PMFBP1: variants seen among roughly 807,000 people sequenced by gnomAD.
The protein encoded by PMFBP1 is polyamine-modulated factor 1-binding protein 1.
PMFBP1 carries 131 observed loss-of-function variants against 137.8 expected under a neutral mutation model. The ratio of observed to expected loss-of-function variants is 0.95; its 90% CI spans 0.82 to 1.10. The LOEUF is 1.10. Among genes scored for constraint, PMFBP1 ranks in the 50% least tolerant of loss-of-function variants. The pLI, the probability that PMFBP1 is intolerant of heterozygous loss-of-function variation, is 0.00. For synonymous variants in PMFBP1, 490 were observed against 450.4 expected (o/e 1.09, Z -1.11); for missense variants, 1,199 against 1,175.4 (o/e 1.02, Z -0.29).
chr16:72,141,658 T>A (rs2042725100), intron 5 of PMFBP1, among the ~76,000 whole-genome samples: 1 of 152,244 alleles, frequency 6.6e-6, no homozygotes, highest in Non-Finnish European at 1.5e-5. Flanking sequence ...CTTTTAAATG[T>A]GTTGATCTGG....
the PMFBP1 span, among the ~76,000 whole-genome samples, chr16:72,229,242 A>G: frequency 6.6e-6 from 1 of 152,122 alleles, no homozygotes; most frequent in Admixed American, 6.5e-5. Flanking sequence ...ACTTTTTAAA[A>G]TCCAGTCCAC....
At chr16:72,154,062 G>T in intron 4 of PMFBP1, 149 bp downstream of exon 4, 1 of 1,081,608 alleles carries the variant, frequency 9.2e-7, no homozygotes, top group Non-Finnish European at 1.3e-6. Flanking sequence ...GCTTCAAAAA[G>T]ATCAAGAATT....
At chr16:72,137,573 C>T (rs554692296) in intron 7 of PMFBP1, among the ~76,000 whole-genome samples, 1 of 152,236 alleles carries the variant, frequency 6.6e-6, no homozygotes, top group East Asian at 1.9e-4. Flanking sequence ...CCAGAGACAA[C>T]GCTTGTGGTG....
In PMFBP1 at chr16:72,133,094, G is replaced by A. The variant is rs2042573639; in HGVS notation, c.1204-103C>T. 3.5e-6 allele frequency: 5 copies of A among 1,431,438 alleles called. No individual in the cohort carries two copies. In the Admixed American group the frequency reaches 5.6e-5, roughly 16 times the overall value. 88.7% of individuals were successfully genotyped at this position (1,431,438 alleles called of 1,614,324 possible). On this transcript the variant is annotated intron_variant, in intron 9 of 20. Coordinates refer to ENST00000237353, the MANE Select transcript of PMFBP1 (RefSeq NM_031293.3). The stretch of plus-strand genomic sequence containing the variant: ...CTCATCCAAGCCACTGGCATCCCCT[G>A]CCTGGACATTGCACGAACCTCCCTG...
In PMFBP1 at chr16:72,164,920, G is replaced by C; in HGVS notation, c.13-4C>G. On this transcript the variant is annotated splice_polypyrimidine_tract_variant and splice_region_variant and intron_variant, in intron 2 of 20. Transcript: ENST00000237353. ...CTTCTCTGTCTCTCTCCCCCGCCTAGGCAGCCAGAAAAACAAAAGCATCAA... is the reference window on the plus strand; with the variant it reads ...CTTCTCTGTCTCTCTCCCCCGCCTACGCAGCCAGAAAAACAAAAGCATCAA... 6.3e-7 allele frequency: 1 copy of C among 1,576,494 alleles called. No homozygotes were observed. The highest frequency in any genetic ancestry group is 8.7e-7 in the Non-Finnish European group (1 of 1,153,260).
chr16:72,204,140 T>A, the PMFBP1 span, among the ~76,000 whole-genome samples: 3 of 152,102 alleles, frequency 2.0e-5, no homozygotes, highest in Non-Finnish European at 4.4e-5. Context: ...AGCATACTTC[T>A]CTTATGGTGA....
At chr16:72,176,951 G>T (rs1401519413), upstream of PMFBP1, 1 of 152,140 alleles carries the variant, frequency 6.6e-6, no homozygotes, top group Non-Finnish European at 1.5e-5. Flanking sequence ...ACTTGCCTTG[G>T]TTTTCTCTTG....
At chr16:72,236,809 G>A in the PMFBP1 span, among the ~76,000 whole-genome samples, 10 of 152,292 alleles carry the variant, frequency 6.6e-5, no homozygotes, top group East Asian at 1.9e-3. Context: ...ATATGGATAG[G>A]TGCTGAAAAT....
At chr16:72,127,041 G>C (rs769548797) in intron 14 of PMFBP1, among the ~76,000 whole-genome samples, 84 of 152,206 alleles carry the variant, frequency 5.5e-4, no homozygotes, top group Non-Finnish European at 1.1e-3. Flanking sequence ...GTACAGGACA[G>C]AGATCTGCTT....
At chr16:72,247,903 C>A in the PMFBP1 span, among the ~76,000 whole-genome samples, 1 of 152,168 alleles carries the variant, frequency 6.6e-6, no homozygotes, top group Non-Finnish European at 1.5e-5. Flanking sequence ...TATGATGACA[C>A]ATATCAGAAA....
intron 5 of PMFBP1, among the ~76,000 whole-genome samples, chr16:72,149,711 T>C (rs1024163894): frequency 6.6e-6 from 1 of 152,096 alleles, no homozygotes; most frequent in Admixed American, 6.6e-5. Context: ...TAGTCCCAGA[T>C]ACTCTGGAGG....
At chr16:72,246,236 T>C in the PMFBP1 span, among the ~76,000 whole-genome samples, 15 of 152,260 alleles carry the variant, frequency 9.9e-5, no homozygotes, top group African/African-American at 2.6e-4. Flanking sequence ...AGAGAAGTGA[T>C]AAATAGGTGA....
upstream of PMFBP1, among the ~76,000 whole-genome samples, chr16:72,178,627 T>C (rs1202906334): frequency 6.6e-6 from 1 of 152,218 alleles, no homozygotes; most frequent in Non-Finnish European, 1.5e-5. Context: ...AATCTAATAC[T>C]GTTATTTATT....
chr16:72,142,406 C>A (rs891163041), intron 5 of PMFBP1, among the ~76,000 whole-genome samples: 1 of 152,180 alleles, frequency 6.6e-6, no homozygotes, highest in Non-Finnish European at 1.5e-5. Flanking sequence ...TGGCTTAACA[C>A]CCCAAGCCTA....
At chr16:72,194,792 C>G in the PMFBP1 span, among the ~76,000 whole-genome samples, 5 of 152,200 alleles carry the variant, frequency 3.3e-5, no homozygotes, top group African/African-American at 9.6e-5. Context: ...TGACACTGAA[C>G]TTGGTTTCCT....
At chr16:72,173,942 G>C (rs2043243311), upstream of PMFBP1, 1 of 152,196 alleles carries the variant, frequency 6.6e-6, no homozygotes, top group Non-Finnish European at 1.5e-5. Context: ...TCTGCCTCTT[G>C]CGTCTCTGTT....
At chr16:72,206,118 C>G in the PMFBP1 span, among the ~76,000 whole-genome samples, 3 of 152,112 alleles carry the variant, frequency 2.0e-5, no homozygotes, top group East Asian at 3.8e-4. Flanking sequence ...GAAGGTCTGG[C>G]AGAGACAGGA....
chr16:72,194,940 A>G, the PMFBP1 span, among the ~76,000 whole-genome samples: 2 of 152,230 alleles, frequency 1.3e-5, no homozygotes, highest in African/African-American at 2.4e-5. Flanking sequence ...ACACTCATCA[A>G]TTTAGATGCA....
chr16:72,195,691 T>G, the PMFBP1 span, among the ~76,000 whole-genome samples: 2 of 152,252 alleles, frequency 1.3e-5, no homozygotes, highest in Non-Finnish European at 2.9e-5. Context: ...ATGTGGATAA[T>G]TGATCTTGTT....
Sources: allele counts gnomAD v4.1 joint callset (sites outside exome capture counted in the v4.1 genomes callset), GRCh38; gene constraint gnomAD v4.1.1; transcripts MANE v1.5; gene names NCBI Gene and HGNC (gene_info 2026-07-23, HGNC 2026-07-21).